Variants in MFN2 observed in about 807,000 individuals in gnomAD.
MFN2 encodes the protein mitofusin 2, also known as mitofusin-2.
In MFN2, 43 loss-of-function variants were observed where a neutral mutation model predicts 87.5. The ratio of observed to expected loss-of-function variants is 0.49; its 90% CI spans 0.38 to 0.63. The LOEUF is 0.63. Among genes scored for constraint, MFN2 ranks in the 30% least tolerant of loss-of-function variants. MFN2 has a pLI of 0.00. For missense variants in MFN2, 743 were observed against 972.8 expected (o/e 0.76, Z 3.14); for synonymous variants, 337 against 359.9 (o/e 0.94, Z 0.72).
chr1:12,002,451 T>C (rs778381316), intron 11 of MFN2, among the ~76,000 whole-genome samples: 1 of 152,242 alleles, frequency 6.6e-6, no homozygotes, highest in Non-Finnish European at 1.5e-5. Flanking sequence ...CTCAACACTT[T>C]GGGAGACCAA....
At chr1:12,010,818 G>A (rs915654865) in intron 18 of MFN2, among the ~76,000 whole-genome samples, 2 of 152,126 alleles carry the variant, frequency 1.3e-5, no homozygotes, top group Non-Finnish European at 2.9e-5. Flanking sequence ...CCCAGCTCAT[G>A]ATAACATCAG....
At position 12,004,686 on chromosome 1, in the gene MFN2, A is replaced by G; in HGVS notation, c.1392+73A>G. 1 of 1,529,008 alleles carries G rather than the reference A, an allele frequency of 6.5e-7. No individual in the cohort carries two copies. The highest frequency in any genetic ancestry group is 1.1e-5 in the South Asian group (1 of 88,852). The allele number at this position is 1,529,008 out of a possible 1,614,324, so 94.7% of individuals were successfully genotyped here. The stretch of plus-strand genomic sequence containing the variant: ...GATTCAACCCCTGTTGGTCTGGGTC[A>G]GGGCCCCCCAGCAGTGACAGTAGAA... On this transcript the variant is annotated intron_variant, in intron 13 of 18. Transcript: ENST00000235329. The surrounding 1 kb of genome is among the most constrained non-coding windows in gnomAD (Gnocchi z 4.2).
At chr1:11,995,667 A>G (rs1638879050) in intron 4 of MFN2, among the ~76,000 whole-genome samples, 1 of 152,072 alleles carries the variant, frequency 6.6e-6, no homozygotes, top group South Asian at 2.1e-4. Context: ...TGAGAAAGTA[A>G]CCTTCCCTTT....
chr1:11,981,480 G>T (rs1412350174), intron 1 of MFN2, among the ~76,000 whole-genome samples: 1 of 152,252 alleles, frequency 6.6e-6, no homozygotes. Context: ...GAGCTTTGGA[G>T]TCAAAGGGAG....
intron 14 of MFN2, among the ~76,000 whole-genome samples, chr1:12,005,216 C>T (rs759123172): frequency 1.2e-4 from 19 of 152,254 alleles, no homozygotes; most frequent in African/African-American, 3.4e-4. Context: ...CGAGTAGCTG[C>T]GACTACAGGC....
chr1:12,003,985 C>T lies in MFN2; in HGVS notation c.1161-7C>T, dbSNP rs1414918598. 1 of 1,614,070 alleles carries T rather than the reference C, an allele frequency of 6.2e-7. No homozygotes were observed. Among genetic ancestry groups the T allele is most frequent in the Non-Finnish European group, 8.5e-7 (1 of 1,180,034 alleles). The stretch of plus-strand genomic sequence containing the variant: ...ACATGGATTTCTCACCAGTACTCTG[C>T]TTTCAGGGTTTACTGCGAGGAAATG... On this transcript the variant is annotated splice_region_variant and splice_polypyrimidine_tract_variant and intron_variant, in intron 11 of 18. Coordinates refer to ENST00000235329, the MANE Select transcript of MFN2 (RefSeq NM_014874.4). The surrounding 1 kb of genome is among the most constrained non-coding windows in gnomAD (Gnocchi z 4.1).
chr1:11,994,086 G>A (rs1199938182), intron 4 of MFN2, among the ~76,000 whole-genome samples: 4 of 152,082 alleles, frequency 2.6e-5, no homozygotes, highest in African/African-American at 9.7e-5. Context: ...ATAACCATGG[G>A]GTATCTGTTT....
chr1:11,987,633 A>G (rs1420358086), intron 2 of MFN2, among the ~76,000 whole-genome samples: 1 of 149,306 alleles, frequency 6.7e-6, no homozygotes, highest in Non-Finnish European at 1.5e-5. Flanking sequence ...CTGTCTCAGA[A>G]AAAAAAAAAA....
rs947355178 is a variant in MFN2, at chr1:12,012,734, C to T, written c.*1169C>T. 4 of 152,420 alleles carry T rather than the reference C, an allele frequency of 2.6e-5. No homozygotes were observed. The highest frequency in any genetic ancestry group is 7.2e-5 in the African/African-American group (3 of 41,450). 9.4% of individuals were successfully genotyped at this position (152,420 alleles called of 1,614,324 possible). A position where few individuals can be genotyped will look rare whatever the true frequency, so the allele number is the denominator to read the frequency against. On this transcript the variant is annotated 3_prime_UTR_variant, in exon 19 of 19. Coordinates refer to ENST00000235329, the MANE Select transcript of MFN2 (RefSeq NM_014874.4). The stretch of plus-strand genomic sequence containing the variant: ...CAGAACCTTCGACTGACCCCCTTGT[C>T]TTTATGCTGATGTTGAGTTTTGGGA...
intron 3 of MFN2, among the ~76,000 whole-genome samples, chr1:11,990,838 A>G (rs1557517285): frequency 6.6e-6 from 1 of 152,202 alleles, no homozygotes; most frequent in African/African-American, 2.4e-5. Flanking sequence ...AGGAATATTG[A>G]TGCATCTGGG....
At chr1:11,995,438 G>A (rs1414180484) in intron 4 of MFN2, among the ~76,000 whole-genome samples, 3 of 152,016 alleles carry the variant, frequency 2.0e-5, no homozygotes, top group Non-Finnish European at 4.4e-5. Flanking sequence ...TTCGCGACCA[G>A]TCTGGCCAAC....
At chr1:12,009,414 T>C (rs1325867752) in intron 17 of MFN2, among the ~76,000 whole-genome samples, 178 bp from the exon 18 acceptor site, 2 of 152,338 alleles carry the variant, frequency 1.3e-5, no homozygotes, top group East Asian at 3.9e-4. Flanking sequence ...TGTTTGGTTG[T>C]TATGATTATT....
Position 12,007,258 on chromosome 1 carries a change from C to T in MFN2, c.2069+9C>T, listed in dbSNP as rs760838540. 4.3e-6 allele frequency: 7 copies of T among 1,613,034 alleles called. No individual in the cohort carries two copies. The highest frequency in any genetic ancestry group is 3.3e-5 in the Admixed American group (2 of 59,900). The stretch of plus-strand genomic sequence containing the variant: ...AGCCACCAAGTCCAGCAGTGAGTGG[C>T]CCTGTCGGACCCCAGCAGGGGACTT... On this transcript the variant is annotated intron_variant, in intron 17 of 18. Coordinates refer to ENST00000235329, the MANE Select transcript of MFN2 (RefSeq NM_014874.4).
intron 4 of MFN2, 34 bp downstream of exon 4, chr1:11,992,724 C>G (rs1638744607): frequency 6.2e-7 from 1 of 1,614,106 alleles, no homozygotes; most frequent in Non-Finnish European, 8.5e-7. Context: ...TTTCTTTCTT[C>G]CTGGCTAGGA....
At chr1:12,005,670 G>C in intron 14 of MFN2, 41 bp from the exon 15 acceptor site, 2 of 1,590,170 alleles carry the variant, frequency 1.3e-6, no homozygotes, top group Non-Finnish European at 1.7e-6. Flanking sequence ...GTGGTGCAGG[G>C]CTGAGCTGAT....
intron 8 of MFN2, among the ~76,000 whole-genome samples, chr1:12,001,019 A>G (rs942050768): frequency 2.0e-5 from 3 of 151,954 alleles, no homozygotes; most frequent in Non-Finnish European, 4.4e-5. Context: ...ATGTGAATAT[A>G]TTGCCTATTC....
intron 2 of MFN2, 61 bp downstream of exon 2, chr1:11,982,175 C>T (rs1348611283): frequency 1.3e-5 from 2 of 152,176 alleles, no homozygotes; most frequent in African/African-American, 4.8e-5. Context: ...GGGGTGTGCT[C>T]TCCTGGACCT....
At chr1:11,998,914 A>AC (rs755946718) in intron 7 of MFN2, 36 bp downstream of exon 7, 1 of 1,611,462 alleles carries the variant, frequency 6.2e-7, no homozygotes, top group Non-Finnish European at 8.5e-7. Flanking sequence ...AGCTCCCAGC[A>AC]CCCCCTGGGC....
At chr1:11,982,988 A>C (rs1646012182) in intron 2 of MFN2, among the ~76,000 whole-genome samples, 1 of 152,178 alleles carries the variant, frequency 6.6e-6, no homozygotes, top group Non-Finnish European at 1.5e-5. Context: ...TTCCTTCCCA[A>C]ACTCTTTTGC....
Sources: allele counts gnomAD v4.1 joint callset (sites outside exome capture counted in the v4.1 genomes callset), GRCh38; gene constraint gnomAD v4.1.1; non-coding constraint Gnocchi (gnomAD v3.1); transcripts MANE v1.5; gene names NCBI Gene and HGNC (gene_info 2026-07-23, HGNC 2026-07-21).